SGCD: variants seen among roughly 807,000 people sequenced by gnomAD.
SGCD encodes the protein delta-sarcoglycan.
A neutral mutation model predicts 36.6 loss-of-function variants in SGCD; 18 were observed. That is an observed-to-expected ratio of 0.49 (90% CI 0.34 to 0.73). The LOEUF is 0.73. Ranked by LOEUF, SGCD falls within the 30% of genes least tolerant of loss-of-function variation. The probability of loss-of-function intolerance (pLI) is 0.01; values close to 1 mark genes in which losing one functional copy is unlikely to be tolerated. For synonymous variants in SGCD, 133 were observed against 130.6 expected, an observed-to-expected ratio of 1.02 and a Z score of -0.12; for missense variants, 387 against 346.7, an observed-to-expected ratio of 1.12 and a Z score of -0.92.
chr5:156,028,166 A>G (rs1281242595), intron 1 of SGCD, among the ~76,000 whole-genome samples: 3 of 152,170 alleles, frequency 2.0e-5, no homozygotes, highest in Non-Finnish European at 2.9e-5. Context: ...CATCTTCTGA[A>G]TCTTGTGCTG....
chr5:156,383,101 A>T (rs1389008761), intron 3 of SGCD, among the ~76,000 whole-genome samples: 4 of 152,194 alleles, frequency 2.6e-5, no homozygotes. Flanking sequence ...AAAGACATGG[A>T]ACCTGGAAGT....
At chr5:156,219,228 ACATT>A (rs1449398423) in intron 3 of SGCD, among the ~76,000 whole-genome samples, 1 of 152,226 alleles carries the variant, frequency 6.6e-6, no homozygotes, top group Non-Finnish European at 1.5e-5. Flanking sequence ...AAGAATATTC[ACATT>A]CATTCAACTT....
In SGCD at chr5:156,470,575, T is replaced by C. The variant is rs1754916901; in HGVS notation, c.193-38026T>C. 2.7e-5 allele frequency among the ~76,000 whole-genome samples: 4 copies of C among 150,168 alleles called. No individual in the cohort carries two copies. In the South Asian group the frequency reaches 6.6e-4, roughly 25 times the overall value. On this transcript the variant is annotated intron_variant, in intron 3 of 8. Transcript: ENST00000337851. ...GTTCTCATTGTTCAATTCCCACCTA[T>C]GAGTGAGAACATGTGGTGTTTGGTT...
Position 156,630,217 on chromosome 5 carries a change from A to G in SGCD, c.503-17247A>G, listed in dbSNP as rs12109430. Among the ~76,000 whole-genome samples the G allele has an allele frequency of 5.1e-3, 770 of 152,280 alleles. 5 individuals are homozygous for G. The highest frequency in any genetic ancestry group is 0.017 in the African/African-American group (720 of 41,566). ...AGTCTGATAGCAAATACAAATGCCA[A>G]AGACTGGAAATCTAAACTGTGAGAG... On this transcript the variant is annotated intron_variant, in intron 6 of 8. Transcript: ENST00000337851.
chr5:155,754,048 A>G, the SGCD span, among the ~76,000 whole-genome samples: 1 of 152,076 alleles, frequency 6.6e-6, no homozygotes, highest in Non-Finnish European at 1.5e-5. Flanking sequence ...TTGAGTTTGC[A>G]GACTGTGTAT....
intron 3 of SGCD, among the ~76,000 whole-genome samples, chr5:156,498,185 A>G (rs1475006895): frequency 6.6e-6 from 1 of 150,772 alleles, no homozygotes; most frequent in Non-Finnish European, 1.5e-5. Context: ...TTATGGATTC[A>G]GGGAATTCCA....
At chr5:156,039,123 A>G (rs926911594) in intron 1 of SGCD, among the ~76,000 whole-genome samples, 2 of 152,086 alleles carry the variant, frequency 1.3e-5, no homozygotes, top group Admixed American at 6.6e-5. Flanking sequence ...TTCCTTTAAG[A>G]AGCCCTCCTT....
chr5:155,954,317 T>C (rs562546720), intron 1 of SGCD, among the ~76,000 whole-genome samples: 2 of 152,192 alleles, frequency 1.3e-5, no homozygotes, highest in Non-Finnish European at 2.9e-5. Context: ...TCTTAGGTCA[T>C]AAATTCGCTT....
intron 3 of SGCD, among the ~76,000 whole-genome samples, chr5:156,248,052 A>G (rs968275289): frequency 6.6e-6 from 1 of 152,200 alleles, no homozygotes; most frequent in Admixed American, 6.5e-5. Context: ...TCCATGAGTA[A>G]ATGTCTCTTG....
At chr5:156,187,724 G>A (rs1763797210) in intron 3 of SGCD, among the ~76,000 whole-genome samples, 1 of 152,122 alleles carries the variant, frequency 6.6e-6, no homozygotes, top group Admixed American at 6.6e-5. Flanking sequence ...GGAAAGCTAA[G>A]CTAAGGGAGA....
At chr5:156,420,180 T>G (rs1773236240) in intron 3 of SGCD, among the ~76,000 whole-genome samples, 1 of 152,186 alleles carries the variant, frequency 6.6e-6, no homozygotes, top group African/African-American at 2.4e-5. Flanking sequence ...GTCTTCCCTC[T>G]GTAAATATTA....
At chr5:156,488,132 C>T (rs768008261) in intron 3 of SGCD, among the ~76,000 whole-genome samples, 95 of 127,722 alleles carry the variant, frequency 7.4e-4, no homozygotes, top group Non-Finnish European at 1.4e-3. Context: ...TTTAAATAAC[C>T]CAGTTAGACA....
chr5:156,009,875 A>G (rs1581039954), intron 1 of SGCD, among the ~76,000 whole-genome samples: 1 of 152,196 alleles, frequency 6.6e-6, no homozygotes, highest in Non-Finnish European at 1.5e-5. Flanking sequence ...TGAAATGCGC[A>G]TCCTCAGGCT....
intron 3 of SGCD, among the ~76,000 whole-genome samples, chr5:156,377,005 CTCT>C (rs1770706932): frequency 6.6e-6 from 1 of 151,954 alleles, no homozygotes; most frequent in Non-Finnish European, 1.5e-5. Flanking sequence ...TAAAGCATGC[CTCT>C]TCAACAGTTT....
At chr5:156,327,542 T>C (rs1265699298) in intron 1 of SGCD, among the ~76,000 whole-genome samples, 1 of 152,250 alleles carries the variant, frequency 6.6e-6, no homozygotes, top group Admixed American at 6.5e-5. Context: ...TCTGTAACTT[T>C]TCCTTTCTGC....
intron 3 of SGCD, among the ~76,000 whole-genome samples, chr5:156,175,174 G>C (rs1763435502): frequency 6.6e-6 from 1 of 152,060 alleles, no homozygotes; most frequent in African/African-American, 2.4e-5. Context: ...AAAAGAGACT[G>C]TAAAAATAAC....
intron 3 of SGCD, among the ~76,000 whole-genome samples, chr5:156,218,520 A>G (rs565281349): frequency 3.9e-5 from 6 of 152,314 alleles, no homozygotes; most frequent in Admixed American, 3.3e-4. Context: ...TATATTTGAG[A>G]AAACTTAATC....
chr5:156,069,062 A>G (rs1273979082), intron 1 of SGCD, among the ~76,000 whole-genome samples: 2 of 152,166 alleles, frequency 1.3e-5, no homozygotes, highest in East Asian at 1.9e-4. Context: ...ATTTTCTCCC[A>G]TTCTGTAGGT....
intron 4 of SGCD, among the ~76,000 whole-genome samples, chr5:156,549,024 TTA>T (rs1354585749): frequency 1.3e-5 from 2 of 152,068 alleles, no homozygotes; most frequent in African/African-American, 2.4e-5. Context: ...ACTGCTTAGA[TTA>T]TGTCTCCCCT....
Sources: gnomAD v4.1 joint callset for allele counts (sites outside exome capture counted in the v4.1 genomes callset) on GRCh38, gnomAD v4.1.1 for gene constraint, MANE v1.5 for transcripts, NCBI Gene and HGNC (gene_info 2026-07-23, HGNC 2026-07-21) for gene names.